Variants in TRPM3 observed in about 807,000 individuals in gnomAD.
The protein encoded by TRPM3 is long transient receptor potential channel 3.
In TRPM3, 77 loss-of-function variants were observed where a neutral mutation model predicts 181.2. The ratio of observed to expected loss-of-function variants is 0.42; its 90% CI spans 0.35 to 0.51. TRPM3 has a LOEUF of 0.51. Among genes scored for constraint, TRPM3 ranks in the 20% least tolerant of loss-of-function variants. The probability of loss-of-function intolerance (pLI) is 0.01; values close to 1 mark genes in which losing one functional copy is unlikely to be tolerated. For synonymous variants in TRPM3, 745 were observed against 796.4 expected (o/e 0.94, Z 1.09); for missense variants, 1,759 against 2,196.7 (o/e 0.80, Z 3.98).
chr9:71,027,680 A>G (rs903092479), intron 1 of TRPM3, among the ~76,000 whole-genome samples: 46 of 152,240 alleles, frequency 3.0e-4, no homozygotes, highest in African/African-American at 1.1e-3. Context: ...TGCAAGTATT[A>G]GCAGCAGAAT....
chr9:71,420,122 T>G (rs1032756416), intron 1 of TRPM3, among the ~76,000 whole-genome samples: 1 of 152,034 alleles, frequency 6.6e-6, no homozygotes, highest in Non-Finnish European at 1.5e-5. Context: ...CATTAGCTAC[T>G]GTCTTTGTGT....
chr9:71,378,343 A>G (rs1488007228), intron 1 of TRPM3, among the ~76,000 whole-genome samples: 1 of 152,122 alleles, frequency 6.6e-6, no homozygotes, highest in Non-Finnish European at 1.5e-5. Context: ...CAGAACTTGC[A>G]TATACTATGG....
intron 1 of TRPM3, among the ~76,000 whole-genome samples, chr9:71,104,315 T>C (rs376807966): frequency 2.0e-5 from 3 of 152,216 alleles, no homozygotes; most frequent in East Asian, 1.9e-4. Context: ...TAACTTCAGA[T>C]AGTTAAATGT....
intron 1 of TRPM3, among the ~76,000 whole-genome samples, chr9:71,038,586 T>C (rs1005884776): frequency 2.6e-5 from 4 of 152,182 alleles, no homozygotes; most frequent in African/African-American, 2.4e-5. Flanking sequence ...CTTTCTTCTT[T>C]CATTTTCCTC....
intron 1 of TRPM3, among the ~76,000 whole-genome samples, chr9:71,357,527 T>A (rs1352633949): frequency 2.6e-5 from 4 of 152,166 alleles, no homozygotes; most frequent in Non-Finnish European, 5.9e-5. Context: ...GGCAGGAATT[T>A]GCATCTATCA....
chr9:71,272,278 T>C (rs1317888402), intron 1 of TRPM3, among the ~76,000 whole-genome samples: 4 of 152,188 alleles, frequency 2.6e-5, no homozygotes, highest in African/African-American at 7.2e-5. Context: ...GTGACTGTAA[T>C]TGCACATAGG....
At chr9:71,399,529 T>G (rs909541282) in intron 1 of TRPM3, among the ~76,000 whole-genome samples, 1 of 122,236 alleles carries the variant, frequency 8.2e-6, no homozygotes, top group Non-Finnish European at 1.6e-5. Flanking sequence ...TTCTTTTGTT[T>G]TTTTTTTTTT....
At chr9:71,209,817 T>C (rs756824815) in intron 1 of TRPM3, among the ~76,000 whole-genome samples, 4 of 152,218 alleles carry the variant, frequency 2.6e-5, no homozygotes, top group Admixed American at 6.5e-5. Context: ...TAAAGTTTTA[T>C]TGGAATACAG....
At chr9:70,933,906 C>A (rs930583805) in intron 1 of TRPM3, among the ~76,000 whole-genome samples, 2 of 151,712 alleles carry the variant, frequency 1.3e-5, no homozygotes, top group Non-Finnish European at 2.9e-5. Context: ...AGGAAGGGAG[C>A]TCCCTATGAC....
At chr9:70,655,934 G>GT (rs1426776682) in intron 9 of TRPM3, among the ~76,000 whole-genome samples, 1 of 152,126 alleles carries the variant, frequency 6.6e-6, no homozygotes, top group Admixed American at 6.6e-5. Flanking sequence ...GTATTTATAT[G>GT]TTGCGTACAC....
At chr9:71,041,565 C>A (rs979800047) in intron 1 of TRPM3, among the ~76,000 whole-genome samples, 1 of 151,962 alleles carries the variant, frequency 6.6e-6, no homozygotes, top group East Asian at 1.9e-4. Context: ...ATGTCCAAAT[C>A]GATGCATAGA....
chr9:71,419,733 G>A (rs2131521738), intron 1 of TRPM3, among the ~76,000 whole-genome samples: 1 of 151,954 alleles, frequency 6.6e-6, no homozygotes, highest in South Asian at 2.1e-4. Context: ...CTTATGTTAT[G>A]CACATTTTAC....
chr9:71,235,110 G>T (rs1370075469), intron 1 of TRPM3, among the ~76,000 whole-genome samples: 1 of 152,194 alleles, frequency 6.6e-6, no homozygotes, highest in East Asian at 1.9e-4. Flanking sequence ...CCTCTTTGCT[G>T]CACCTCTAAT....
chr9:70,940,569 G>T (rs922931203), intron 1 of TRPM3, among the ~76,000 whole-genome samples: 3 of 152,156 alleles, frequency 2.0e-5, no homozygotes, highest in Non-Finnish European at 4.4e-5. Flanking sequence ...TGGGGAAATA[G>T]ACACTAAGGA....
intron 1 of TRPM3, among the ~76,000 whole-genome samples, chr9:71,257,962 C>T (rs1269106694): frequency 6.6e-6 from 1 of 152,104 alleles, no homozygotes; most frequent in Admixed American, 6.6e-5. Context: ...TGTTAAATTG[C>T]ATTGTGAGAT....
chr9:70,985,599 T>A (rs1014879043), intron 1 of TRPM3, among the ~76,000 whole-genome samples: 1 of 152,232 alleles, frequency 6.6e-6, no homozygotes, highest in African/African-American at 2.4e-5. Context: ...TAAATAAAAG[T>A]TGTCTTCTAA....
At chr9:70,621,214 T>C (rs1336912040) in intron 15 of TRPM3, 30 bp downstream of exon 15, 1 of 1,552,740 alleles carries the variant, frequency 6.4e-7, no homozygotes. Flanking sequence ...GAATAAATCA[T>C]TGACACTAAT....
At chr9:70,635,328 G>T in intron 11 of TRPM3, 67 bp from the exon 12 acceptor site, 4 of 1,428,412 alleles carry the variant, frequency 2.8e-6, no homozygotes, top group South Asian at 1.2e-5. Context: ...AGACAAGAAG[G>T]ATCTAGAAGG....
chr9:71,267,576 C>T (rs1309470510), intron 1 of TRPM3, among the ~76,000 whole-genome samples: 2 of 103,004 alleles, frequency 1.9e-5, no homozygotes, highest in Non-Finnish European at 4.2e-5. Context: ...CTCTACTTAT[C>T]TCTGTCACTC....
Sources: gnomAD v4.1 joint callset for allele counts (sites outside exome capture counted in the v4.1 genomes callset) on GRCh38, gnomAD v4.1.1 for gene constraint, MANE v1.5 for transcripts, NCBI Gene and HGNC (gene_info 2026-07-23, HGNC 2026-07-21) for gene names.